The following GPM6A variants were observed in gnomAD, a reference collection of about 807,000 sequenced individuals.
GPM6A encodes neuronal membrane glycoprotein M6-a.
In GPM6A, 7 loss-of-function variants were observed where a neutral mutation model predicts 32.1. The observed-to-expected ratio is 0.22, with a 90% CI of 0.12 to 0.41. The LOEUF is 0.41. Among genes scored for constraint, GPM6A ranks in the 10% least tolerant of loss-of-function variants. GPM6A has a pLI of 1.00. For missense variants in GPM6A, 235 were observed against 347.2 expected, an observed-to-expected ratio of 0.68 and a Z score of 2.57; for synonymous variants, 130 against 123.4, an observed-to-expected ratio of 1.05 and a Z score of -0.35.
intron 2 of GPM6A, among the ~76,000 whole-genome samples, chr4:175,694,393 T>C (rs182161861): frequency 3.9e-5 from 6 of 152,296 alleles, no homozygotes; most frequent in African/African-American, 1.4e-4. Flanking sequence ...ATAGTGATTA[T>C]GTACAGTGAA....
intron 1 of GPM6A, among the ~76,000 whole-genome samples, chr4:175,984,404 C>T (rs1189125926): frequency 1.3e-5 from 2 of 152,164 alleles, no homozygotes; most frequent in Non-Finnish European, 2.9e-5. Flanking sequence ...ACCTTGTGAT[C>T]TACCCACCTT....
At chr4:175,832,841 C>A (rs1397102011) in intron 1 of GPM6A, among the ~76,000 whole-genome samples, 1 of 152,148 alleles carries the variant, frequency 6.6e-6, no homozygotes, top group African/African-American at 2.4e-5. Flanking sequence ...GGTGCACATC[C>A]ACAAAGTGGA....
intron 3 of GPM6A, among the ~76,000 whole-genome samples, chr4:175,655,550 TCTTA>T (rs1742033252): frequency 6.6e-6 from 1 of 152,088 alleles, no homozygotes; most frequent in African/African-American, 2.4e-5. Flanking sequence ...AATAAGCTGC[TCTTA>T]CTTTTGTTAG....
intron 2 of GPM6A, among the ~76,000 whole-genome samples, chr4:175,701,368 T>A (rs1379253131): frequency 6.6e-6 from 1 of 152,178 alleles, no homozygotes. Flanking sequence ...AAGTCCTGAT[T>A]AAGTCGGCCT....
intron 1 of GPM6A, among the ~76,000 whole-genome samples, chr4:175,764,767 A>G (rs890953075): frequency 6.6e-6 from 1 of 151,578 alleles, no homozygotes; most frequent in Non-Finnish European, 1.5e-5. Context: ...CCCAGACTGA[A>G]TTATTTTATT....
intron 1 of GPM6A, among the ~76,000 whole-genome samples, chr4:175,996,413 G>A (rs573331978): frequency 5.3e-5 from 8 of 152,098 alleles, no homozygotes; most frequent in Non-Finnish European, 8.8e-5. Flanking sequence ...CTCCTAAACA[G>A]TTCACTACAA....
intron 1 of GPM6A, among the ~76,000 whole-genome samples, chr4:175,884,085 G>A (rs2111462703): frequency 6.6e-6 from 1 of 152,268 alleles, no homozygotes; most frequent in African/African-American, 2.4e-5. Context: ...TTCATGTGTA[G>A]AGCAGCGTGA....
intron 1 of GPM6A, among the ~76,000 whole-genome samples, chr4:175,980,144 G>A (rs1290958634): frequency 6.6e-6 from 1 of 152,088 alleles, no homozygotes; most frequent in African/African-American, 2.4e-5. Context: ...TGGATTACTT[G>A]AGCCCACTAG....
At chr4:175,665,872 T>C (rs1742722296) in intron 3 of GPM6A, among the ~76,000 whole-genome samples, 1 of 151,774 alleles carries the variant, frequency 6.6e-6, no homozygotes, top group Non-Finnish European at 1.5e-5. Flanking sequence ...GTACTAACAA[T>C]ATAATATAAT....
chr4:175,905,269 G>T (rs1411375598), intron 1 of GPM6A, among the ~76,000 whole-genome samples: 1 of 152,134 alleles, frequency 6.6e-6, no homozygotes, highest in Non-Finnish European at 1.5e-5. Context: ...CTGAGCCTAG[G>T]TCAAGCTTGT....
chr4:175,946,467 G>T (rs1739609542), intron 1 of GPM6A, among the ~76,000 whole-genome samples: 1 of 152,152 alleles, frequency 6.6e-6, no homozygotes, highest in Non-Finnish European at 1.5e-5. Context: ...AAAACTAGTA[G>T]AAAATAAATT....
At chr4:175,805,312 A>T (rs1190194693) in intron 1 of GPM6A, among the ~76,000 whole-genome samples, 2 of 152,208 alleles carry the variant, frequency 1.3e-5, no homozygotes, top group African/African-American at 4.8e-5. Context: ...TCACCATTCA[A>T]ATAACCTTTC....
In GPM6A at chr4:175,766,395, C is replaced by G. The variant is rs116170483; in HGVS notation, c.37+45796G>C. On this transcript the variant is annotated intron_variant, in intron 1 of 6. Coordinates refer to ENST00000393658, the MANE Select transcript of GPM6A (RefSeq NM_201591.3). ...TTCGCTCAGTAAAATAAGCCTTTAT[C>G]TGGAGGAAAAAACCTGAAGAAATGT... is the stretch of plus-strand genomic sequence containing the variant. Among the ~76,000 whole-genome samples, 304 of 152,234 alleles carry G rather than the reference C, an allele frequency of 2.0e-3. 2 individuals carry two copies. Among genetic ancestry groups the G allele is most frequent in the African/African-American group, 6.9e-3 (285 of 41,542 alleles).
intron 6 of GPM6A, 148 bp from the exon 7 acceptor site, chr4:175,635,205 CAATATAA>C (rs1355945873): frequency 1.5e-6 from 1 of 648,866 alleles, no homozygotes; most frequent in African/African-American, 1.8e-5. Context: ...GTAACAGAAA[CAATATAA>C]AATATATTTT....
At chr4:175,895,879 AT>A (rs563700997) in intron 1 of GPM6A, among the ~76,000 whole-genome samples, 64 of 152,188 alleles carry the variant, frequency 4.2e-4, no homozygotes, top group Non-Finnish European at 8.2e-4. Flanking sequence ...ATACCTTGGC[AT>A]AAACCCTGAA....
intron 1 of GPM6A, among the ~76,000 whole-genome samples, chr4:175,745,105 TGA>T (rs1732047672): frequency 6.6e-6 from 1 of 152,016 alleles, no homozygotes; most frequent in Non-Finnish European, 1.5e-5. Context: ...AGAAATACTC[TGA>T]GAGTATCATG....
chr4:175,772,324 T>C (rs904622927), intron 1 of GPM6A, among the ~76,000 whole-genome samples: 12 of 152,020 alleles, frequency 7.9e-5, no homozygotes, highest in Non-Finnish European at 1.5e-4. Context: ...GAGGCTTTGG[T>C]TAGAGTAAAA....
At chr4:175,836,186 TC>T (rs1330359052) in intron 1 of GPM6A, among the ~76,000 whole-genome samples, 1 of 152,162 alleles carries the variant, frequency 6.6e-6, no homozygotes. Flanking sequence ...CTTGATTCCC[TC>T]TGTGTTTCTA....
At chr4:175,678,576 A>G (rs1001053232) in intron 2 of GPM6A, among the ~76,000 whole-genome samples, 1 of 152,174 alleles carries the variant, frequency 6.6e-6, no homozygotes, top group Admixed American at 6.5e-5. Flanking sequence ...GAACTTGGTA[A>G]TGGTAATGTC....
Sources: allele counts gnomAD v4.1 joint callset (sites outside exome capture counted in the v4.1 genomes callset), GRCh38; gene constraint gnomAD v4.1.1; transcripts MANE v1.5; gene names NCBI Gene and HGNC (gene_info 2026-07-23, HGNC 2026-07-21).